USO1: variants seen among roughly 807,000 people sequenced by gnomAD.
The protein encoded by USO1 is general vesicular transport factor p115.
A neutral mutation model predicts 124.5 loss-of-function variants in USO1; 57 were observed. That is an observed-to-expected ratio of 0.46 (90% confidence interval 0.37 to 0.57). The LOEUF is 0.57. Ranked by LOEUF, USO1 falls within the 20% of genes least tolerant of loss-of-function variation. USO1 has a pLI of 0.00. For missense variants in USO1, 900 were observed against 1,040.6 expected (o/e 0.86, Z 1.86); for synonymous variants, 369 against 362.8 (o/e 1.02, Z -0.19).
chr4:75,814,191 T>C lies in USO1; in HGVS notation c.*896T>C, dbSNP rs1723228468. 2 of 152,188 alleles carry C rather than the reference T, an allele frequency of 1.3e-5. No individual in the cohort carries two copies. Among genetic ancestry groups the C allele is most frequent in the Non-Finnish European group, 2.9e-5 (2 of 68,024 alleles). The allele number at this position is 152,188 out of a possible 1,614,324, so 9.4% of individuals were successfully genotyped here. On this transcript the variant is annotated 3_prime_UTR_variant, in exon 24 of 24. Coordinates refer to ENST00000514213, the MANE Select transcript of USO1 (RefSeq NM_003715.4). ...TGTGTCAAAATTTAATGTTTCATAATAAAAATAGATACGTTGACTTAATCC... is the reference window on the plus strand; with the variant it reads ...TGTGTCAAAATTTAATGTTTCATAACAAAAATAGATACGTTGACTTAATCC...
intron 1 of USO1, among the ~76,000 whole-genome samples, chr4:75,739,453 C>G (rs978744299): frequency 3.3e-5 from 5 of 150,462 alleles, no homozygotes; most frequent in East Asian, 2.0e-4. Flanking sequence ...GCTTTGCCTT[C>G]TTGTTTCAGT....
Position 75,806,504 on chromosome 4 carries a change from G to C in USO1, c.2308G>C (p.Gly770Arg). The stretch of plus-strand genomic sequence containing the variant: ...TTTGCAGAAATCTTCCCAAACATCT[G>C]GCACAAATGAACAGTCTTCAGCAAT... ...IENMKSSQTS[G>R]TNEQSSAIVS... The change falls in exon 20 of 24, where the codon GGC becomes CGC. Residue 770 changes from glycine to arginine, a missense_variant. Around this residue, in one of 2 missense-constraint regions of USO1, gnomAD observed 362 missense variants for 359.0 expected, o/e 1.01. Transcript: ENST00000514213. The C allele has an allele frequency of 6.4e-7, 1 of 1,559,956 alleles. No individual in the cohort carries two copies. Among genetic ancestry groups the C allele is most frequent in the Non-Finnish European group, 8.7e-7 (1 of 1,150,912 alleles).
chr4:75,751,787 G>A (rs969223917), intron 1 of USO1, among the ~76,000 whole-genome samples: 4 of 151,594 alleles, frequency 2.6e-5, no homozygotes, highest in East Asian at 2.0e-4. Context: ...AGCCGAGATC[G>A]CATTGTCGCA....
At chr4:75,781,673 C>T (rs1437689774) in intron 8 of USO1, among the ~76,000 whole-genome samples, 1 of 151,932 alleles carries the variant, frequency 6.6e-6, no homozygotes, top group Non-Finnish European at 1.5e-5. Flanking sequence ...AAGTCTAGAA[C>T]CAATAAGTAG....
At chr4:75,811,147 CTTTCT>C (rs948236647) in intron 22 of USO1, among the ~76,000 whole-genome samples, 4 of 151,446 alleles carry the variant, frequency 2.6e-5, no homozygotes, top group Admixed American at 2.6e-4. Context: ...TGTTTTCTTT[CTTTCT>C]TTTTCTTTTT....
intron 14 of USO1, among the ~76,000 whole-genome samples, 180 bp from the exon 15 acceptor site, chr4:75,800,171 A>G (rs1185120860): frequency 1.1e-4 from 17 of 152,198 alleles, no homozygotes; most frequent in African/African-American, 4.1e-4. Context: ...TCCTGACCTC[A>G]GGTGATCCAC....
At chr4:75,756,476 T>C (rs1399653757) in intron 3 of USO1, among the ~76,000 whole-genome samples, 2 of 151,844 alleles carry the variant, frequency 1.3e-5, no homozygotes, top group South Asian at 2.1e-4. Flanking sequence ...GCATCTCTTA[T>C]GTAAAGTGGT....
intron 18 of USO1, 40 bp from the exon 19 acceptor site, chr4:75,805,100 G>C: frequency 6.6e-7 from 1 of 1,512,462 alleles, no homozygotes; most frequent in East Asian, 2.4e-5. Flanking sequence ...AAAAACTGAA[G>C]TTTCCCGTTG....
intron 19 of USO1, 107 bp downstream of exon 19, chr4:75,805,410 A>G (rs1247372379): frequency 5.0e-6 from 7 of 1,408,864 alleles, no homozygotes; most frequent in Non-Finnish European, 6.5e-6. Flanking sequence ...TCATATGTTA[A>G]GATTTTACAG....
At chr4:75,746,219 C>T (rs556734392) in intron 1 of USO1, among the ~76,000 whole-genome samples, 2 of 152,300 alleles carry the variant, frequency 1.3e-5, no homozygotes, top group African/African-American at 4.8e-5. Context: ...CAATGAAGAA[C>T]AAGTAGCTTC....
At position 75,770,906 on chromosome 4, in the gene USO1, A is replaced by G. The variant is rs765797359; in HGVS notation, c.481A>G (p.Ile161Val). The part of the protein sequence containing the change: ...KQLGPQVQQI[I>V]LVSPMGVSRL... ...ACTAGGGCCTCAGGTGCAACAAATT[A>G]TTTTAGTCAGTCCTATGGGTAAGTG... Residue 161 changes from isoleucine (I) to valine (V), a missense_variant, in exon 6 of 24, where the codon ATT becomes GTT. Coordinates refer to ENST00000514213, the MANE Select transcript of USO1 (RefSeq NM_003715.4). 2 of 1,613,604 alleles carry G rather than the reference A, an allele frequency of 1.2e-6. No individual in the cohort carries two copies. Among genetic ancestry groups the G allele is most frequent in the Non-Finnish European group, 1.7e-6 (2 of 1,179,758 alleles).
rs1027835246 is a variant in USO1, at chr4:75,724,679, T to G, written c.-141T>G. ...TGTTTCCGGGCTTAGAGGGCTGGAG[T>G]GGCCGCCGAGTTGGAGGCGGTGGTG... On this transcript the variant is annotated 5_prime_UTR_variant, in exon 1 of 24. Transcript: ENST00000514213. The G allele has an allele frequency of 2.6e-6, 2 of 779,992 alleles. No homozygotes were observed. Among genetic ancestry groups the G allele is most frequent in the Non-Finnish European group, 4.1e-6 (2 of 490,984 alleles). The allele number at this position is 779,992 out of a possible 1,614,324, so 48.3% of individuals were successfully genotyped here. A position where few individuals can be genotyped will look rare whatever the true frequency, so the allele number is the denominator to read the frequency against.
chr4:75,800,559 T>A (rs1374531682), intron 15 of USO1, 59 bp from the exon 16 acceptor site: 280 of 1,520,472 alleles, frequency 1.8e-4, no homozygotes, highest in Non-Finnish European at 2.4e-4. Context: ...AGACCAAGCT[T>A]TTATGTTTTG....
chr4:75,811,348 G>A (rs953389287), intron 22 of USO1, among the ~76,000 whole-genome samples: 6 of 152,160 alleles, frequency 3.9e-5, no homozygotes, highest in African/African-American at 1.2e-4. Context: ...TAGAGACGAG[G>A]ATTCGCCATG....
chr4:75,760,921 C>G (rs1411423367), intron 4 of USO1, among the ~76,000 whole-genome samples: 1 of 152,134 alleles, frequency 6.6e-6, no homozygotes, highest in Non-Finnish European at 1.5e-5. Flanking sequence ...CCAAGGCGGG[C>G]AGATCACTTG....
chr4:75,810,524 G>C lies in USO1; in HGVS notation c.2568G>C (p.Glu856Asp). 1 of 1,611,150 alleles carries C rather than the reference G, an allele frequency of 6.2e-7. No homozygotes were observed. The highest frequency in any genetic ancestry group is 8.5e-7 in the Non-Finnish European group (1 of 1,178,890). ...VEGRLSALLQ[E>D]TKELKNEIKA... is the part of the protein sequence containing the mutation. Reference sequence around the variant, plus strand: ...GAAGACTGTCAGCATTATTACAAGAGACCAAAGAGTTAAAGGTTTGTTTTT... The same window carrying C: ...GAAGACTGTCAGCATTATTACAAGACACCAAAGAGTTAAAGGTTTGTTTTT... The change falls in exon 22 of 24, where the codon GAG becomes GAC. Residue 856 changes from glutamate to aspartate, a missense_variant. Glu to Asp is a conservative substitution (Grantham distance 45). This residue lies in a region of USO1 where 362 missense variants were observed against 359.0 expected (regional missense o/e 1.01). Transcript: ENST00000514213.
intron 17 of USO1, 111 bp downstream of exon 17, chr4:75,801,311 C>T: frequency 7.8e-7 from 1 of 1,282,284 alleles, no homozygotes; most frequent in East Asian, 2.8e-5. Context: ...AAAGCAAAAC[C>T]CATCATTTTT....
intron 1 of USO1, among the ~76,000 whole-genome samples, chr4:75,748,894 G>T (rs1721212203): frequency 6.6e-6 from 1 of 151,974 alleles, no homozygotes; most frequent in Non-Finnish European, 1.5e-5. Context: ...TAAGCTGAGA[G>T]TAATGAGGTT....
intron 1 of USO1, among the ~76,000 whole-genome samples, chr4:75,735,894 G>C (rs1720773871): frequency 6.6e-6 from 1 of 151,896 alleles, no homozygotes; most frequent in Admixed American, 6.6e-5. Context: ...GGTCATCTTT[G>C]TGTAGCAATG....
Sources: allele counts gnomAD v4.1 joint callset (sites outside exome capture counted in the v4.1 genomes callset), GRCh38; gene constraint gnomAD v4.1.1; regional missense constraint gnomAD v4.1.1; transcripts MANE v1.5; gene names NCBI Gene and HGNC (gene_info 2026-07-23, HGNC 2026-07-21).